Variants in FBN1 observed in about 807,000 individuals in gnomAD.
FBN1 encodes the protein fibrillin 1, also known as fibrillin-1.
In FBN1, 29 loss-of-function variants were observed where a neutral mutation model predicts 365.1. The ratio of observed to expected loss-of-function variants is 0.08; its 90% CI spans 0.06 to 0.11. FBN1 has a LOEUF of 0.11. Ranked by LOEUF, FBN1 falls within the 10% of genes least tolerant of loss-of-function variation. The pLI is 1.00. For synonymous variants in FBN1, 1,210 were observed against 1,270.5 expected (o/e 0.95, Z 1.01); for missense variants, 2,476 against 3,703.2 (o/e 0.67, Z 8.60).
intron 29 of FBN1, among the ~76,000 whole-genome samples, chr15:48,486,325 T>C (rs566807378): frequency 2.6e-5 from 4 of 152,332 alleles, no homozygotes; most frequent in African/African-American, 9.6e-5. Context: ...GGCTGATTTA[T>C]GGTTTTGGGT....
chr15:48,622,647 A>G (rs1889791412), intron 2 of FBN1, among the ~76,000 whole-genome samples: 1 of 152,090 alleles, frequency 6.6e-6, no homozygotes, highest in African/African-American at 2.4e-5. Flanking sequence ...CTACAGCCCA[A>G]AGATGGACCT....
chr15:48,572,947 G>A (rs1171286027), intron 6 of FBN1, among the ~76,000 whole-genome samples: 1 of 152,130 alleles, frequency 6.6e-6, no homozygotes, highest in East Asian at 1.9e-4. Flanking sequence ...ACAGAGACAA[G>A]TAGACTAGTT....
At chr15:48,631,463 T>C (rs1291061592) in intron 2 of FBN1, among the ~76,000 whole-genome samples, 4 of 152,316 alleles carry the variant, frequency 2.6e-5, no homozygotes, top group Middle Eastern at 3.4e-3. Context: ...GCTTTCTCCC[T>C]GTGAGTGCAG....
intron 2 of FBN1, among the ~76,000 whole-genome samples, chr15:48,615,879 T>C (rs544966888): frequency 6.6e-6 from 1 of 152,264 alleles, no homozygotes; most frequent in Middle Eastern, 3.4e-3. Flanking sequence ...TGGTGTTACA[T>C]GAGAAGAACA....
intron 60 of FBN1, among the ~76,000 whole-genome samples, chr15:48,424,387 C>T (rs2042963624): frequency 6.6e-6 from 1 of 152,168 alleles, no homozygotes; most frequent in Admixed American, 6.5e-5. Context: ...CACTTCTCTC[C>T]TCTCCTCTCC....
chr15:48,519,916 T>C (rs1309000207), intron 10 of FBN1, among the ~76,000 whole-genome samples: 1 of 152,222 alleles, frequency 6.6e-6, no homozygotes, highest in Non-Finnish European at 1.5e-5. Context: ...TTTTTGGACA[T>C]CTTTCTCGAC....
intron 6 of FBN1, among the ~76,000 whole-genome samples, chr15:48,588,066 A>G (rs1401601180): frequency 2.6e-5 from 4 of 152,182 alleles, no homozygotes; most frequent in African/African-American, 9.6e-5. Context: ...TACTTTGGGT[A>G]AAGTTTGGAT....
At chr15:48,573,864 C>T (rs748616659) in intron 6 of FBN1, among the ~76,000 whole-genome samples, 6 of 152,228 alleles carry the variant, frequency 3.9e-5, no homozygotes, top group East Asian at 3.8e-4. Context: ...CAGGCCAGGA[C>T]GCCATGGATT....
intron 4 of FBN1, among the ~76,000 whole-genome samples, chr15:48,607,598 G>A (rs1405793841): frequency 6.6e-6 from 1 of 151,640 alleles, no homozygotes; most frequent in East Asian, 1.9e-4. Context: ...CACCATCTAG[G>A]AGGAGAAGGC....
rs397515794 is a variant in FBN1, at chr15:48,600,213, C to T, written c.368G>A (p.Cys123Tyr). The change falls in exon 5 of 66, where the codon TGT (cysteine) becomes TAT (tyrosine). Residue 123 changes from cysteine (C) to tyrosine (Y), a missense_variant. Physicochemically the swap from Cys to Tyr is radical, Grantham distance 194. Coordinates refer to ENST00000316623, the MANE Select transcript of FBN1 (RefSeq NM_000138.5). The part of the protein sequence containing the change: ...SRSIQHCNIR[C>Y]MNGGSCSDDH... ...GTCACTGCAGCTACCTCCATTCATACAGCGAATATTGCAGTGTTGTACTTG... is the reference window on the plus strand; with the variant it reads ...GTCACTGCAGCTACCTCCATTCATATAGCGAATATTGCAGTGTTGTACTTG... The T allele has an allele frequency of 6.2e-7, 1 of 1,613,650 alleles. No individual in the cohort carries two copies.
intron 32 of FBN1, among the ~76,000 whole-genome samples, chr15:48,479,166 T>C (rs1290817778): frequency 6.6e-6 from 1 of 152,202 alleles, no homozygotes; most frequent in East Asian, 1.9e-4. Flanking sequence ...GTGTTCTAAG[T>C]TGTGAATGAC....
chr15:48,544,883 G>A (rs558299309), intron 6 of FBN1, among the ~76,000 whole-genome samples: 2 of 152,202 alleles, frequency 1.3e-5, no homozygotes, highest in East Asian at 3.9e-4. Context: ...AATCGGTAAA[G>A]TCAAATCATA....
In FBN1 at chr15:48,462,147, A is replaced by G. The variant is rs1263163333; in HGVS notation, c.5224+935T>C. Among the ~76,000 whole-genome samples, 7 of 152,332 alleles carry G rather than the reference A, an allele frequency of 4.6e-5. No homozygotes were observed. In the East Asian group the frequency reaches 1.3e-3, roughly 29 times the overall value. On this transcript the variant is annotated intron_variant, in intron 42 of 65. Coordinates refer to ENST00000316623, the MANE Select transcript of FBN1 (RefSeq NM_000138.5). ...TCAGGTAGTACCAAACAACAGATTTAATATTTTATATATCACTGTGGAAAA... is the reference window on the plus strand; with the variant it reads ...TCAGGTAGTACCAAACAACAGATTTGATATTTTATATATCACTGTGGAAAA...
chr15:48,560,986 A>G (rs2044218556), intron 6 of FBN1, among the ~76,000 whole-genome samples: 1 of 152,216 alleles, frequency 6.6e-6, no homozygotes, highest in South Asian at 2.1e-4. Flanking sequence ...TAAGTAATGT[A>G]TTCAGAAATC....
chr15:48,558,993 G>A lies in FBN1; in HGVS notation c.539-21185C>T, dbSNP rs180727424. Among the ~76,000 whole-genome samples, 25 of 152,272 alleles carry A rather than the reference G, an allele frequency of 1.6e-4. No individual in the cohort carries two copies. The East Asian group carries it at 3.9e-3, about 24-fold the overall frequency. ...ATTCACACTGGGAACAAGAAGTGCCGATTATCTGAAAGTTCAGACTAGGAA... is the reference window on the plus strand; with the variant it reads ...ATTCACACTGGGAACAAGAAGTGCCAATTATCTGAAAGTTCAGACTAGGAA... On this transcript the variant is annotated intron_variant, in intron 6 of 65. Transcript: ENST00000316623.
rs200047151 is a variant in FBN1 at position 48,547,990 on chromosome 15, G to A, written c.539-10182C>T. Among the ~76,000 whole-genome samples the A allele has an allele frequency of 1.2e-4, 19 of 152,312 alleles. No homozygotes were observed. In the East Asian group the frequency reaches 3.5e-3, roughly 28 times the overall value. On this transcript the variant is annotated intron_variant, in intron 6 of 65. Transcript: ENST00000316623. Reference sequence around the variant, plus strand: ...TGCAAAAGACAGGCATGGGAGCTGAGGGGGTGGGAGAGGCAGCAGCACCAA... The same window carrying A: ...TGCAAAAGACAGGCATGGGAGCTGAAGGGGTGGGAGAGGCAGCAGCACCAA...
chr15:48,614,858 T>A (rs1340906113), intron 2 of FBN1, among the ~76,000 whole-genome samples: 1 of 152,186 alleles, frequency 6.6e-6, no homozygotes, highest in Non-Finnish European at 1.5e-5. Context: ...GATGGAATCA[T>A]CTTCTGACCC....
intron 27 of FBN1, 71 bp from the exon 28 acceptor site, chr15:48,487,508 C>T (rs1451487048): frequency 3.1e-6 from 5 of 1,599,164 alleles, no homozygotes; most frequent in Middle Eastern, 1.7e-4. Context: ...ACTCCTCCCC[C>T]ACCCATTGCT....
chr15:48,607,801 A>G (rs1486625261), intron 4 of FBN1, among the ~76,000 whole-genome samples: 1 of 152,252 alleles, frequency 6.6e-6, no homozygotes, highest in African/African-American at 2.4e-5. Context: ...TATATATTTG[A>G]ATGTGTGTAT....
Sources: allele counts gnomAD v4.1 joint callset (sites outside exome capture counted in the v4.1 genomes callset), GRCh38; gene constraint gnomAD v4.1.1; transcripts MANE v1.5; gene names NCBI Gene and HGNC (gene_info 2026-07-23, HGNC 2026-07-21).